RNF122: variants seen among roughly 807,000 people sequenced by gnomAD.
RNF122 encodes ring finger protein 122.
RNF122 carries 17 observed loss-of-function variants against 24.2 expected under a neutral mutation model. The observed-to-expected ratio is 0.70, with a 90% CI of 0.48 to 1.06. RNF122 has a LOEUF of 1.06. Ranked by LOEUF, RNF122 falls within the 50% of genes least tolerant of loss-of-function variation. The probability of loss-of-function intolerance (pLI) is 0.00; values close to 1 mark genes in which losing one functional copy is unlikely to be tolerated. For missense variants in RNF122, 168 were observed against 198.1 expected (o/e 0.85, Z 0.91); for synonymous variants, 65 against 71.8 (o/e 0.91, Z 0.48).
chr8:33,558,573 T>G (rs1453897217), intron 2 of RNF122, 42 bp downstream of exon 2: 1 of 1,539,732 alleles, frequency 6.5e-7, no homozygotes, highest in Non-Finnish European at 8.8e-7. Flanking sequence ...GTCTCCTCCC[T>G]CCTGCTGGAC....
intron 2 of RNF122, among the ~76,000 whole-genome samples, chr8:33,557,901 G>A (rs1313518833): frequency 4.6e-5 from 7 of 152,120 alleles, no homozygotes; most frequent in Non-Finnish European, 1.0e-4. Context: ...CTAGCATTTT[G>A]GGAAGCTGAG....
intron 1 of RNF122, among the ~76,000 whole-genome samples, chr8:33,564,856 G>C (rs1206827825): frequency 1.3e-5 from 2 of 151,776 alleles, no homozygotes; most frequent in African/African-American, 2.4e-5. Context: ...TGGACAACAA[G>C]AGCGAAACTC....
Position 33,567,085 on chromosome 8 carries a change from G to A in RNF122, c.-362C>T, listed in dbSNP as rs1050739309. ...AACCTTTGCCGGAGGCTCGGATCGG[G>A]TTCAGCGGCGCAGAGGTGAGCTGGC... On this transcript the variant is annotated 5_prime_UTR_variant, in exon 1 of 6. Coordinates refer to ENST00000256257, the MANE Select transcript of RNF122 (RefSeq NM_024787.3). 1.2e-4 allele frequency: 42 copies of A among 342,218 alleles called. No homozygotes were observed. The highest frequency in any genetic ancestry group is 1.9e-4 in the Non-Finnish European group (35 of 181,040). The allele number at this position is 342,218 out of a possible 1,614,324, so 21.2% of individuals were successfully genotyped here.
chr8:33,548,642 C>T lies in RNF122; in HGVS notation c.*111G>A. On this transcript the variant is annotated 3_prime_UTR_variant, in exon 6 of 6. Transcript: ENST00000256257. ...CAGTCCTAGACCACCCTTCTCATCA[C>T]TGGGAAAGTGATCGTCATCACCCTA... 1 of 735,026 alleles carries T rather than the reference C, an allele frequency of 1.4e-6. No individual in the cohort carries two copies. Among genetic ancestry groups the T allele is most frequent in the Non-Finnish European group, 2.4e-6 (1 of 411,636 alleles). The allele number at this position is 735,026 out of a possible 1,614,324, so 45.5% of individuals were successfully genotyped here.
At chr8:33,564,856 G>T (rs1206827825) in intron 1 of RNF122, among the ~76,000 whole-genome samples, 1 of 151,776 alleles carries the variant, frequency 6.6e-6, no homozygotes, top group Non-Finnish European at 1.5e-5. Flanking sequence ...TGGACAACAA[G>T]AGCGAAACTC....
At chr8:33,551,258 C>A in intron 3 of RNF122, 86 bp downstream of exon 3, 1 of 1,547,214 alleles carries the variant, frequency 6.5e-7, no homozygotes, top group Admixed American at 1.7e-5. Flanking sequence ...GGATTCCTGC[C>A]CAGGAGAACC....
At chr8:33,556,179 C>CAAAAAAAAAAAAAAAAAAAAAA (rs538829399) in intron 2 of RNF122, among the ~76,000 whole-genome samples, 1 of 33,976 alleles carries the variant, frequency 2.9e-5, no homozygotes, top group African/African-American at 1.0e-4. Context: ...GACCCTGTCT[C>CAAAAAAAAAAAAAAAAAAAAAA]AAAAAAAAAA....
In RNF122 at chr8:33,566,758, G is replaced by A; in HGVS notation, c.-35C>T. 6.3e-7 allele frequency: 1 copy of A among 1,596,382 alleles called. No individual in the cohort carries two copies. The highest frequency in any genetic ancestry group is 1.3e-5 in the African/African-American group (1 of 74,864). ...CGCGGTTGGCTTCCTCGGGCGAACG[G>A]ACGCAGGCGGGGTGCCAGGAGGGCG... On this transcript the variant is annotated 5_prime_UTR_variant, in exon 1 of 6. Transcript: ENST00000256257.
chr8:33,558,794 A>G (rs775579433), intron 1 of RNF122, 23 bp from the exon 2 acceptor site: 1 of 1,531,172 alleles, frequency 6.5e-7, no homozygotes, highest in South Asian at 1.2e-5. Context: ...AGAAAAAAAA[A>G]TCATTAGGGT....
intron 1 of RNF122, 109 bp from the exon 2 acceptor site, chr8:33,558,880 T>C: frequency 1.4e-6 from 1 of 727,528 alleles, no homozygotes; most frequent in Non-Finnish European, 2.1e-6. Flanking sequence ...CACCTAAGCC[T>C]CAGATTCAGT....
At chr8:33,559,810 T>C (rs922311959) in intron 1 of RNF122, among the ~76,000 whole-genome samples, 4 of 150,492 alleles carry the variant, frequency 2.7e-5, no homozygotes, top group South Asian at 2.1e-4. Flanking sequence ...CTCGGGTCCA[T>C]CCCTGCCTAA....
intron 2 of RNF122, 149 bp from the exon 3 acceptor site, chr8:33,551,538 A>G: frequency 1.3e-6 from 1 of 766,772 alleles, no homozygotes; most frequent in African/African-American, 1.7e-5. Context: ...GACCTATGCA[A>G]GCCAACAAGG....
rs1179494356 is a variant in RNF122 at position 33,548,730 on chromosome 8, A to G, written c.*23T>C. ...ATCCATGAGGCAAGAGGTCTTCTCC[A>G]GGTCTCGGTGTAGCGGCAGCACTCA... is the stretch of plus-strand genomic sequence containing the variant. On this transcript the variant is annotated 3_prime_UTR_variant, in exon 6 of 6. Coordinates refer to ENST00000256257, the MANE Select transcript of RNF122 (RefSeq NM_024787.3). The G allele has an allele frequency of 1.4e-6, 2 of 1,475,346 alleles. No individual in the cohort carries two copies. Among genetic ancestry groups the G allele is most frequent in the African/African-American group, 1.4e-5 (1 of 71,810 alleles). 91.4% of individuals were successfully genotyped at this position (1,475,346 alleles called of 1,614,324 possible). A position where few individuals can be genotyped will look rare whatever the true frequency, so the allele number is the denominator to read the frequency against.
At chr8:33,557,118 T>G (rs527377111) in intron 2 of RNF122, among the ~76,000 whole-genome samples, 19 of 152,214 alleles carry the variant, frequency 1.2e-4, no homozygotes, top group Non-Finnish European at 2.5e-4. Context: ...CCCAAGCATT[T>G]GGTAATGTGT....
chr8:33,556,782 C>A (rs1053415089), intron 2 of RNF122, among the ~76,000 whole-genome samples: 1 of 152,190 alleles, frequency 6.6e-6, no homozygotes, highest in South Asian at 2.1e-4. Context: ...GGAAGATAAA[C>A]CAGTATCTCC....
chr8:33,551,882 C>T (rs142613440), intron 2 of RNF122, among the ~76,000 whole-genome samples: 8 of 152,302 alleles, frequency 5.3e-5, no homozygotes, highest in African/African-American at 1.9e-4. Flanking sequence ...CTTCACTGTG[C>T]CGGACAACAC....
chr8:33,554,002 G>C (rs1396472286), intron 2 of RNF122, among the ~76,000 whole-genome samples: 1 of 152,222 alleles, frequency 6.6e-6, no homozygotes, highest in Non-Finnish European at 1.5e-5. Flanking sequence ...GGCTCCCACT[G>C]TCTCATCCTT....
intron 2 of RNF122, among the ~76,000 whole-genome samples, chr8:33,555,107 C>G (rs1479511557): frequency 6.6e-6 from 1 of 152,228 alleles, no homozygotes; most frequent in Non-Finnish European, 1.5e-5. Flanking sequence ...AAGGAGATTA[C>G]TAAAGGAACA....
intron 2 of RNF122, among the ~76,000 whole-genome samples, chr8:33,553,032 C>A (rs138257929): frequency 0.033 from 4,837 of 146,392 alleles, 248 homozygotes; most frequent in African/African-American, 0.11. Context: ...GATCGCACCA[C>A]TGCACTCCAG....
Sources: allele counts gnomAD v4.1 joint callset (sites outside exome capture counted in the v4.1 genomes callset), GRCh38; gene constraint gnomAD v4.1.1; transcripts MANE v1.5; gene names NCBI Gene and HGNC (gene_info 2026-07-23, HGNC 2026-07-21).